The following A1CF variants were observed in gnomAD, a reference collection of about 807,000 sequenced individuals.
A1CF encodes the protein APOBEC-1 stimulating protein.
Under a neutral mutation model 68.9 loss-of-function variants are expected in A1CF, and 48 were observed. The observed-to-expected ratio is 0.70, with a 90% CI of 0.55 to 0.89. The LOEUF (loss-of-function observed/expected upper bound fraction) is 0.89. Among genes scored for constraint, A1CF ranks in the 40% least tolerant of loss-of-function variants. The pLI is 0.00. For missense variants in A1CF, 653 were observed against 718.9 expected (o/e 0.91, Z 1.05); for synonymous variants, 272 against 260.4 (o/e 1.04, Z -0.43).
At chr10:50,828,496 G>C (rs767234486) in intron 6 of A1CF, 10 of 407,408 alleles carry the variant, frequency 2.5e-5, no homozygotes, top group Non-Finnish European at 3.9e-5. Context: ...GTGACCGGTG[G>C]CTTGTTATAA....
chr10:50,863,189 T>G (rs1840824471), intron 2 of A1CF, among the ~76,000 whole-genome samples: 1 of 152,232 alleles, frequency 6.6e-6, no homozygotes. Context: ...AAATTTGTCA[T>G]GAGAAACACT....
At chr10:50,826,521 CAGCCAAACTA>C (rs1838944718) in intron 7 of A1CF, among the ~76,000 whole-genome samples, 1 of 152,054 alleles carries the variant, frequency 6.6e-6, no homozygotes, top group Non-Finnish European at 1.5e-5. Context: ...ATTTCATATC[CAGCCAAACTA>C]AGCTTCATAA....
At chr10:50,829,742 C>T (rs1319699421) in intron 6 of A1CF, among the ~76,000 whole-genome samples, 1 of 152,110 alleles carries the variant, frequency 6.6e-6, no homozygotes, top group African/African-American at 2.4e-5. Context: ...CCCCAAGGCT[C>T]CCACATAATT....
chr10:50,864,485 G>A (rs1288804025), intron 1 of A1CF, among the ~76,000 whole-genome samples: 1 of 152,108 alleles, frequency 6.6e-6, no homozygotes, highest in Non-Finnish European at 1.5e-5. Context: ...GCTTCCTCTA[G>A]TTCTTACAGC....
At chr10:50,815,881 A>G in intron 9 of A1CF, 125 bp downstream of exon 9, 1 of 1,155,352 alleles carries the variant, frequency 8.7e-7, no homozygotes, top group Non-Finnish European at 1.2e-6. Context: ...ATAATAGTTG[A>G]TTTTTAATAA....
chr10:50,855,874 A>G (rs1440175630), intron 3 of A1CF, among the ~76,000 whole-genome samples: 1 of 152,046 alleles, frequency 6.6e-6, no homozygotes, highest in African/African-American at 2.4e-5. Flanking sequence ...CTTGGATTGT[A>G]TTAGGATGTT....
chr10:50,816,361 T>G (rs905482995), intron 8 of A1CF, 82 bp from the exon 9 acceptor site: 1 of 1,406,288 alleles, frequency 7.1e-7, no homozygotes, highest in African/African-American at 1.4e-5. Flanking sequence ...ACATGACTCC[T>G]TCTAAGTGTT....
Position 50,816,297 on chromosome 10 carries a change from G to T in A1CF, c.868-18C>A, listed in dbSNP as rs1278180913. On this transcript the variant is annotated intron_variant, in intron 8 of 12. Transcript: ENST00000373997. ...TCCAGCACCTGTTGTAGAGAGCAAA[G>T]AAATATCAACGCGAGATGATATGAA... 3 of 1,611,184 alleles carry T rather than the reference G, an allele frequency of 1.9e-6. No individual in the cohort carries two copies. The African/African-American group carries it at 4.0e-5, about 22-fold the overall frequency.
chr10:50,864,774 A>G (rs927586126), intron 1 of A1CF, among the ~76,000 whole-genome samples: 2 of 151,676 alleles, frequency 1.3e-5, no homozygotes, highest in African/African-American at 4.8e-5. Flanking sequence ...AGGCACCACT[A>G]CGCCTGGCTA....
At chr10:50,861,126 A>G (rs535246249) in intron 2 of A1CF, among the ~76,000 whole-genome samples, 1 of 152,306 alleles carries the variant, frequency 6.6e-6, no homozygotes, top group South Asian at 2.1e-4. Flanking sequence ...CATTAATAAT[A>G]TAAGAAACTG....
intron 5 of A1CF, 108 bp downstream of exon 5, chr10:50,841,754 C>T (rs1839787023): frequency 2.2e-6 from 3 of 1,357,404 alleles, no homozygotes; most frequent in Admixed American, 4.8e-5. Flanking sequence ...TATTTCATTT[C>T]TGGCTTGGCT....
intron 6 of A1CF, among the ~76,000 whole-genome samples, chr10:50,835,642 G>A (rs1007203386): frequency 6.6e-6 from 1 of 152,092 alleles, no homozygotes; most frequent in African/African-American, 2.4e-5. Flanking sequence ...AGACAACAGG[G>A]AGTCATAATG....
chr10:50,871,043 T>TA (rs1187535979), intron 1 of A1CF, among the ~76,000 whole-genome samples: 4 of 151,548 alleles, frequency 2.6e-5, no homozygotes, highest in African/African-American at 7.2e-5. Flanking sequence ...AGTATTGGTT[T>TA]AAAAAAAATC....
chr10:50,844,610 G>A (rs989727038), intron 3 of A1CF, among the ~76,000 whole-genome samples: 7 of 152,108 alleles, frequency 4.6e-5, no homozygotes, highest in Admixed American at 1.3e-4. Context: ...TACTCTGACT[G>A]AGGCAGAAGG....
chr10:50,882,618 C>T (rs774678620), intron 1 of A1CF, among the ~76,000 whole-genome samples: 9 of 151,986 alleles, frequency 5.9e-5, no homozygotes, highest in Non-Finnish European at 1.0e-4. Flanking sequence ...AGAATGTCAC[C>T]GCAAGAGTGC....
intron 5 of A1CF, among the ~76,000 whole-genome samples, chr10:50,837,906 C>A (rs1319659773): frequency 6.6e-6 from 1 of 152,076 alleles, no homozygotes; most frequent in Non-Finnish European, 1.5e-5. Context: ...ATGTGAAGGC[C>A]ATTTTGATTA....
At chr10:50,857,718 A>G (rs937836155) in intron 3 of A1CF, among the ~76,000 whole-genome samples, 5 of 152,142 alleles carry the variant, frequency 3.3e-5, no homozygotes, top group Non-Finnish European at 5.9e-5. Context: ...ACTGTGAACA[A>G]TGGGTTGGCC....
intron 8 of A1CF, among the ~76,000 whole-genome samples, chr10:50,818,941 G>A (rs1048916346): frequency 3.3e-5 from 5 of 152,122 alleles, no homozygotes; most frequent in African/African-American, 1.2e-4. Context: ...CTGGGAAGCT[G>A]TTCTACATGG....
At chr10:50,867,728 A>T (rs936705780) in intron 1 of A1CF, among the ~76,000 whole-genome samples, 1 of 152,228 alleles carries the variant, frequency 6.6e-6, no homozygotes, top group African/African-American at 2.4e-5. Context: ...AGGAACAGAA[A>T]GGAGACAAAA....
Sources: gnomAD v4.1 joint callset for allele counts (sites outside exome capture counted in the v4.1 genomes callset) on GRCh38, gnomAD v4.1.1 for gene constraint, MANE v1.5 for transcripts, NCBI Gene and HGNC (gene_info 2026-07-23, HGNC 2026-07-21) for gene names.